The following NRXN3 variants were observed in gnomAD, a reference collection of about 807,000 sequenced individuals.
NRXN3 encodes neurexin III.
Under a neutral mutation model 137.6 loss-of-function variants are expected in NRXN3, and 32 were observed. That is an observed-to-expected ratio of 0.23 (90% CI 0.18 to 0.31). NRXN3 has a LOEUF of 0.31. Ranked by LOEUF, NRXN3 falls within the 10% of genes least tolerant of loss-of-function variation. The pLI is 1.00. For synonymous variants in NRXN3, 798 were observed against 784.5 expected (o/e 1.02, Z -0.29); for missense variants, 1,574 against 2,062.5 (o/e 0.76, Z 4.59).
intron 10 of NRXN3, among the ~76,000 whole-genome samples, chr14:78,827,335 A>G (rs1475720655): frequency 6.6e-6 from 1 of 152,050 alleles, no homozygotes; most frequent in Admixed American, 6.6e-5. Flanking sequence ...CTTTAGTACA[A>G]TGCTGTACAA....
At chr14:78,910,204 T>G (rs1283770098) in intron 10 of NRXN3, among the ~76,000 whole-genome samples, 1 of 152,116 alleles carries the variant, frequency 6.6e-6, no homozygotes, top group African/African-American at 2.4e-5. Flanking sequence ...ATTGTAGATA[T>G]AGCAGAAAGA....
intron 10 of NRXN3, among the ~76,000 whole-genome samples, chr14:78,942,434 T>C (rs1041322691): frequency 5.3e-5 from 8 of 152,118 alleles, no homozygotes; most frequent in Non-Finnish European, 7.4e-5. Context: ...ACATGAAAGA[T>C]TTGGAAAAAC....
chr14:78,395,489 G>A (rs908807712), intron 4 of NRXN3, among the ~76,000 whole-genome samples: 4 of 151,884 alleles, frequency 2.6e-5, no homozygotes, highest in African/African-American at 7.2e-5. Flanking sequence ...TTCTTTTACT[G>A]TTGGGTGGAG....
intron 4 of NRXN3, among the ~76,000 whole-genome samples, chr14:78,448,869 T>A (rs1452341274): frequency 1.3e-5 from 2 of 152,124 alleles, no homozygotes; most frequent in East Asian, 3.9e-4. Flanking sequence ...GAAGAGTGCC[T>A]TCCATTGGGC....
chr14:78,302,885 C>T (rs1344327138), intron 4 of NRXN3, among the ~76,000 whole-genome samples: 2 of 152,216 alleles, frequency 1.3e-5, no homozygotes, highest in African/African-American at 2.4e-5. Context: ...GCTGTCAGCT[C>T]CCTGGATCAG....
intron 10 of NRXN3, among the ~76,000 whole-genome samples, chr14:78,870,006 A>G (rs915671126): frequency 6.6e-6 from 1 of 152,226 alleles, no homozygotes; most frequent in Non-Finnish European, 1.5e-5. Flanking sequence ...ATTCTGGCTA[A>G]ACTGACCTAA....
At chr14:78,345,840 C>A (rs17107396) in intron 4 of NRXN3, among the ~76,000 whole-genome samples, 1 of 152,162 alleles carries the variant, frequency 6.6e-6, no homozygotes, top group African/African-American at 2.4e-5. Context: ...CCGAGGGAAA[C>A]TGAGACTTGA....
chr14:79,779,615 A>G (rs778923193), intron 19 of NRXN3, among the ~76,000 whole-genome samples: 2 of 152,116 alleles, frequency 1.3e-5, no homozygotes, highest in African/African-American at 2.4e-5. Flanking sequence ...TTCTCTGAGG[A>G]TACTGAGTAT....
At chr14:79,207,458 G>A (rs2066950984) in intron 15 of NRXN3, among the ~76,000 whole-genome samples, 1 of 152,200 alleles carries the variant, frequency 6.6e-6, no homozygotes, top group African/African-American at 2.4e-5. Flanking sequence ...AGGAAAATGA[G>A]GCTGTCCCTT....
intron 4 of NRXN3, among the ~76,000 whole-genome samples, chr14:78,550,850 T>C (rs890098095): frequency 6.6e-6 from 1 of 152,184 alleles, no homozygotes; most frequent in South Asian, 2.1e-4. Context: ...TATACTGCCA[T>C]GCTGTTATAA....
intron 16 of NRXN3, among the ~76,000 whole-genome samples, chr14:79,614,640 T>C (rs1430508958): frequency 6.6e-6 from 1 of 152,190 alleles, no homozygotes; most frequent in African/African-American, 2.4e-5. Context: ...TGGTCAGTAT[T>C]GAATTATGGG....
At chr14:79,261,812 G>A (rs149948491) in intron 15 of NRXN3, among the ~76,000 whole-genome samples, 46 of 152,286 alleles carry the variant, frequency 3.0e-4, no homozygotes, top group African/African-American at 1.1e-3. Flanking sequence ...TGGGATAGAA[G>A]AAGTGAGGAT....
At chr14:78,967,550 AT>A (rs1012022727) in intron 13 of NRXN3, 152 bp downstream of exon 13, 7 of 630,696 alleles carry the variant, frequency 1.1e-5, no homozygotes, top group African/African-American at 9.2e-5. Flanking sequence ...CTGTAATGCA[AT>A]TTTTTCCGTT....
intron 15 of NRXN3, among the ~76,000 whole-genome samples, chr14:79,324,864 TA>T (rs1337792734): frequency 2.0e-5 from 3 of 152,208 alleles, no homozygotes; most frequent in African/African-American, 7.2e-5. Flanking sequence ...GTGTGTGTAT[TA>T]TATGCATATG....
chr14:79,536,780 G>T (rs974502225), intron 16 of NRXN3, among the ~76,000 whole-genome samples: 3 of 151,994 alleles, frequency 2.0e-5, no homozygotes, highest in African/African-American at 7.3e-5. Flanking sequence ...CCCTGAAAAG[G>T]ACATGATCTT....
chr14:79,420,275 A>G (rs1022917576), intron 15 of NRXN3, among the ~76,000 whole-genome samples: 2 of 152,078 alleles, frequency 1.3e-5, no homozygotes, highest in African/African-American at 4.8e-5. Flanking sequence ...GTAAATTTCC[A>G]AGAACATGTA....
chr14:79,658,492 G>A (rs1243979991), intron 16 of NRXN3, among the ~76,000 whole-genome samples: 3 of 152,160 alleles, frequency 2.0e-5, no homozygotes, highest in Non-Finnish European at 4.4e-5. Flanking sequence ...GAGAACTCTC[G>A]TGGGTCTCAC....
chr14:79,716,966 A>G (rs984493612), intron 19 of NRXN3, among the ~76,000 whole-genome samples: 5 of 152,116 alleles, frequency 3.3e-5, no homozygotes, highest in Non-Finnish European at 7.4e-5. Context: ...TTGCCCAGAT[A>G]AGTTCTTCAC....
At chr14:78,817,103 A>T (rs2098936062) in intron 10 of NRXN3, among the ~76,000 whole-genome samples, 1 of 152,172 alleles carries the variant, frequency 6.6e-6, no homozygotes, top group Non-Finnish European at 1.5e-5. Flanking sequence ...ATTATTATTG[A>T]TCTGTGTTGG....
Sources: allele counts gnomAD v4.1 joint callset (sites outside exome capture counted in the v4.1 genomes callset), GRCh38; gene constraint gnomAD v4.1.1; transcripts MANE v1.5; gene names NCBI Gene and HGNC (gene_info 2026-07-23, HGNC 2026-07-21).